OXR1: variants seen among roughly 807,000 people sequenced by gnomAD.
OXR1 encodes the protein oxidation resistance 1.
In OXR1, 41 loss-of-function variants were observed where a neutral mutation model predicts 104.6. That is an observed-to-expected ratio of 0.39 (90% confidence interval 0.31 to 0.51). The LOEUF (loss-of-function observed/expected upper bound fraction) is 0.51. OXR1 is among the 20% of genes least tolerant of loss of function. The pLI, the probability that OXR1 is intolerant of heterozygous loss-of-function variation, is 0.77. For missense variants in OXR1, 955 were observed against 1,031.9 expected (o/e 0.93, Z 1.02); for synonymous variants, 348 against 348.4 (o/e 1.00, Z 0.01).
chr8:106,281,875 A>G (rs946351001), intron 1 of OXR1, among the ~76,000 whole-genome samples: 1 of 151,704 alleles, frequency 6.6e-6, no homozygotes, highest in Non-Finnish European at 1.5e-5. Flanking sequence ...ATAAGGGGAG[A>G]ATATAAGGCC....
intron 1 of OXR1, among the ~76,000 whole-genome samples, chr8:106,289,708 G>T (rs879719193): frequency 6.6e-6 from 1 of 152,012 alleles, no homozygotes; most frequent in African/African-American, 2.4e-5. Context: ...AAAACAACAC[G>T]GTACTGGTAC....
intron 3 of OXR1, among the ~76,000 whole-genome samples, chr8:106,538,871 G>A (rs185167202): frequency 1.3e-5 from 2 of 152,270 alleles, no homozygotes; most frequent in Non-Finnish European, 2.9e-5. Flanking sequence ...GCATATGCTG[G>A]ATGCTATGCA....
At chr8:106,436,084 A>G (rs977824183) in intron 2 of OXR1, among the ~76,000 whole-genome samples, 1 of 151,418 alleles carries the variant, frequency 6.6e-6, no homozygotes, top group African/African-American at 2.4e-5. Flanking sequence ...TCTAAAAACA[A>G]AAACAGATAC....
At chr8:106,618,016 G>T in intron 3 of OXR1, 1 of 1,500,344 alleles carries the variant, frequency 6.7e-7, no homozygotes. Flanking sequence ...CTGCCACCAG[G>T]GGTCAGGGAC....
intron 2 of OXR1, among the ~76,000 whole-genome samples, chr8:106,362,843 A>C (rs1363332393): frequency 6.6e-6 from 1 of 152,216 alleles, no homozygotes; most frequent in Admixed American, 6.5e-5. Flanking sequence ...ATGTACAGTA[A>C]CACTAAAATA....
At chr8:106,686,935 G>A (rs75242890) in intron 6 of OXR1, among the ~76,000 whole-genome samples, 7,212 of 152,176 alleles carry the variant, frequency 0.047, 227 homozygotes, top group Middle Eastern at 0.099. Context: ...CATAAAAATA[G>A]CTAAAATGTA....
intron 1 of OXR1, among the ~76,000 whole-genome samples, chr8:106,357,356 G>A (rs1231993906): frequency 1.3e-5 from 2 of 152,046 alleles, no homozygotes; most frequent in Admixed American, 6.6e-5. Context: ...TCTATATGCC[G>A]TAACAATTTT....
At chr8:106,348,665 A>G (rs1328991483) in intron 1 of OXR1, among the ~76,000 whole-genome samples, 2 of 152,198 alleles carry the variant, frequency 1.3e-5, no homozygotes, top group East Asian at 3.9e-4. Context: ...TGTACTTTTA[A>G]AAAATGATTA....
At chr8:106,329,295 C>A (rs1042581322) in intron 1 of OXR1, among the ~76,000 whole-genome samples, 1 of 151,492 alleles carries the variant, frequency 6.6e-6, no homozygotes, top group African/African-American at 2.4e-5. Context: ...CCTGGCCACA[C>A]CATTTTGAAA....
chr8:106,628,515 A>G (rs1235792886), intron 3 of OXR1, among the ~76,000 whole-genome samples: 1 of 152,216 alleles, frequency 6.6e-6, no homozygotes, highest in Non-Finnish European at 1.5e-5. Flanking sequence ...TGATGCTTTT[A>G]TAGATTTTAC....
intron 1 of OXR1, among the ~76,000 whole-genome samples, chr8:106,352,279 T>C (rs1815757999): frequency 6.6e-6 from 1 of 152,194 alleles, no homozygotes; most frequent in Non-Finnish European, 1.5e-5. Context: ...GCTTGGACGA[T>C]GAGTATATTT....
chr8:106,363,824 G>GT (rs779284718), intron 2 of OXR1, among the ~76,000 whole-genome samples: 82 of 152,254 alleles, frequency 5.4e-4, no homozygotes, highest in Middle Eastern at 6.8e-3. Context: ...ACAAAGTACT[G>GT]TGCCATTCAG....
chr8:106,419,307 G>A (rs117897946), intron 2 of OXR1, among the ~76,000 whole-genome samples: 1 of 152,234 alleles, frequency 6.6e-6, no homozygotes, highest in East Asian at 1.9e-4. Context: ...GTGCGTTGCA[G>A]GCTATTTCTT....
At chr8:106,288,185 G>A (rs888053498) in intron 1 of OXR1, among the ~76,000 whole-genome samples, 18 of 152,282 alleles carry the variant, frequency 1.2e-4, no homozygotes, top group African/African-American at 3.9e-4. Context: ...CAGGTGAAGT[G>A]TATTGGAAGG....
At chr8:106,740,223 A>T in intron 13 of OXR1, 120 bp from the exon 14 acceptor site, 1 of 621,524 alleles carries the variant, frequency 1.6e-6, no homozygotes, top group Non-Finnish European at 2.8e-6. Flanking sequence ...AATAATTTCT[A>T]CTGTTAATTT....
chr8:106,310,091 G>A (rs149514165), intron 1 of OXR1, among the ~76,000 whole-genome samples: 5 of 151,808 alleles, frequency 3.3e-5, no homozygotes, highest in Admixed American at 2.0e-4. Context: ...ATATTTTTCA[G>A]TTAGTCATAA....
At chr8:106,360,140 T>C (rs1400063695) in intron 2 of OXR1, among the ~76,000 whole-genome samples, 1 of 152,190 alleles carries the variant, frequency 6.6e-6, no homozygotes, top group Non-Finnish European at 1.5e-5. Context: ...GCTGGCATTC[T>C]AAATAATCTT....
At chr8:106,514,881 G>A (rs1369840765) in intron 2 of OXR1, among the ~76,000 whole-genome samples, 2 of 152,122 alleles carry the variant, frequency 1.3e-5, no homozygotes, top group Non-Finnish European at 2.9e-5. Context: ...AGAGCAGCTG[G>A]CTTTTTGTAT....
intron 3 of OXR1, among the ~76,000 whole-genome samples, chr8:106,529,119 A>G (rs537230151): frequency 6.6e-6 from 1 of 152,290 alleles, no homozygotes; most frequent in African/African-American, 2.4e-5. Flanking sequence ...GAGTGGTTCA[A>G]AGTTTGTGTA....
Sources: allele counts gnomAD v4.1 joint callset (sites outside exome capture counted in the v4.1 genomes callset), GRCh38; gene constraint gnomAD v4.1.1; transcripts MANE v1.5; gene names NCBI Gene and HGNC (gene_info 2026-07-23, HGNC 2026-07-21).